Variants in HS6ST2 observed in about 807,000 individuals in gnomAD.
HS6ST2 encodes the protein heparan-sulfate 6-O-sulfotransferase 2.
Under a neutral mutation model 33.0 loss-of-function variants are expected in HS6ST2, and 17 were observed. The observed-to-expected ratio is 0.52, with a 90% CI of 0.35 to 0.77. The LOEUF (loss-of-function observed/expected upper bound fraction) is 0.77, where lower values mean the gene tolerates loss of function less well. Among genes scored for constraint, HS6ST2 ranks in the 30% least tolerant of loss-of-function variants. The probability of loss-of-function intolerance (pLI) is 0.01; values close to 1 mark genes in which losing one functional copy is unlikely to be tolerated. For missense variants in HS6ST2, 519 were observed against 551.7 expected (o/e 0.94, Z 0.59); for synonymous variants, 248 against 237.1 (o/e 1.05, Z -0.42).
chrX:132,686,725 T>C (rs778703304), intron 3 of HS6ST2, among the ~76,000 whole-genome samples: 6 of 111,588 alleles, frequency 5.4e-5, no homozygotes, highest in Admixed American at 1.9e-4. Flanking sequence ...AGAGTCATGA[T>C]GCTTATAAGT....
chrX:132,776,748 T>C (rs867220664), intron 2 of HS6ST2, among the ~76,000 whole-genome samples: 4 of 104,901 alleles, frequency 3.8e-5, no homozygotes, highest in Non-Finnish European at 5.7e-5. Flanking sequence ...GCCAGTCAGT[T>C]AGTCACTAGG....
At chrX:132,649,181 A>G (rs1173023315) in intron 4 of HS6ST2, among the ~76,000 whole-genome samples, 1 of 111,723 alleles carries the variant, frequency 9.0e-6, no homozygotes, top group African/African-American at 3.3e-5. Context: ...GGATGAGTGG[A>G]CTCTGGAAAA....
intron 2 of HS6ST2, among the ~76,000 whole-genome samples, chrX:132,762,510 T>C (rs977021203): frequency 2.7e-5 from 3 of 112,453 alleles, no homozygotes; most frequent in African/African-American, 9.7e-5. Flanking sequence ...TTCTGAAATA[T>C]TTATTTACAA....
At chrX:132,920,466 C>T (rs1164419688) in intron 2 of HS6ST2, among the ~76,000 whole-genome samples, 2 of 111,512 alleles carry the variant, frequency 1.8e-5, no homozygotes, top group Admixed American at 9.5e-5. Context: ...AATGGCAAAA[C>T]ATCTTTTAGG....
chrX:132,868,679 T>C (rs749884026), intron 2 of HS6ST2, among the ~76,000 whole-genome samples: 2 of 112,035 alleles, frequency 1.8e-5, no homozygotes, highest in African/African-American at 6.5e-5. Context: ...CCTGAATGAC[T>C]ACTGAGTAAA....
At position 132,684,300 on chromosome X, in the gene HS6ST2, C is replaced by G. The variant is rs1402805229; in HGVS notation, c.981-15101G>C. 5.9e-5 allele frequency among the ~76,000 whole-genome samples: 6 copies of G among 101,912 alleles called. No homozygotes were observed. In the Admixed American group the frequency reaches 6.6e-4, roughly 11 times the overall value. 88.5% of individuals were successfully genotyped at this position (101,912 alleles called of 115,157 possible). A position where few individuals can be genotyped will look rare whatever the true frequency, so the allele number is the denominator to read the frequency against. ...ATACATATATATATACACGCACACA[C>G]ATATATGTATATATATGTATATACA... On this transcript the variant is annotated intron_variant, in intron 3 of 4. Coordinates refer to ENST00000370833, the MANE Select transcript of HS6ST2 (RefSeq NM_001394073.1).
At chrX:132,753,639 T>C (rs1268390948) in intron 2 of HS6ST2, among the ~76,000 whole-genome samples, 1 of 112,097 alleles carries the variant, frequency 8.9e-6, no homozygotes, top group Non-Finnish European at 1.9e-5. Flanking sequence ...ACCACTTTAC[T>C]TTATAAATTA....
At chrX:132,661,228 C>G (rs1389712181) in intron 4 of HS6ST2, among the ~76,000 whole-genome samples, 1 of 110,157 alleles carries the variant, frequency 9.1e-6, no homozygotes, top group Non-Finnish European at 1.9e-5. Context: ...AAAAAGACAT[C>G]CATATTGAAA....
At chrX:132,752,345 ATCTGTGGT>A (rs2064714057) in intron 2 of HS6ST2, among the ~76,000 whole-genome samples, 1 of 109,734 alleles carries the variant, frequency 9.1e-6, no homozygotes, top group Non-Finnish European at 1.9e-5. Flanking sequence ...GGTGGCGCAC[ATCTGTGGT>A]CACAACTACT....
chrX:132,765,618 A>T (rs1025275403), intron 2 of HS6ST2, among the ~76,000 whole-genome samples: 1 of 110,544 alleles, frequency 9.0e-6, no homozygotes, highest in African/African-American at 3.3e-5. Context: ...CACCATGCCC[A>T]GCTAATGTTT....
intron 2 of HS6ST2, among the ~76,000 whole-genome samples, chrX:132,850,436 C>T: frequency 9.0e-6 from 1 of 111,143 alleles, no homozygotes; most frequent in Non-Finnish European, 1.9e-5. Flanking sequence ...GTGCAATATA[C>T]CAGTACAAAT....
At chrX:132,887,576 T>TA (rs753201172) in intron 2 of HS6ST2, among the ~76,000 whole-genome samples, 2 of 112,427 alleles carry the variant, frequency 1.8e-5, no homozygotes, top group East Asian at 5.6e-4. Context: ...ACTGACACTT[T>TA]AAAACATTCT....
At chrX:132,711,680 A>C (rs2064232201) in intron 2 of HS6ST2, among the ~76,000 whole-genome samples, 1 of 112,015 alleles carries the variant, frequency 8.9e-6, no homozygotes, top group Admixed American at 9.5e-5. Context: ...CGAAGAGTTT[A>C]TGAGTAAATG....
intron 2 of HS6ST2, among the ~76,000 whole-genome samples, chrX:132,837,758 G>A (rs1028292822): frequency 1.8e-5 from 2 of 111,783 alleles, no homozygotes; most frequent in African/African-American, 6.5e-5. Context: ...GGTGCCCAAG[G>A]AGAGTTCAGA....
intron 2 of HS6ST2, among the ~76,000 whole-genome samples, chrX:132,783,774 T>C (rs1186798517): frequency 9.0e-6 from 1 of 110,967 alleles, no homozygotes; most frequent in Non-Finnish European, 1.9e-5. Flanking sequence ...CTGAGGTTTG[T>C]ATTGGGAAAG....
intron 2 of HS6ST2, among the ~76,000 whole-genome samples, chrX:132,798,156 G>T (rs1372023563): frequency 9.1e-6 from 1 of 110,311 alleles, no homozygotes; most frequent in East Asian, 2.9e-4. Flanking sequence ...AGACTGCCTG[G>T]ATACATGCAA....
intron 2 of HS6ST2, among the ~76,000 whole-genome samples, chrX:132,870,386 T>C (rs62599048): frequency 5.4e-5 from 6 of 111,790 alleles, no homozygotes; most frequent in Middle Eastern, 4.7e-3. Context: ...CAAGCTACCA[T>C]TGGCTTTCTT....
intron 2 of HS6ST2, among the ~76,000 whole-genome samples, chrX:132,911,775 C>A (rs749761393): frequency 8.2e-5 from 9 of 109,803 alleles, no homozygotes; most frequent in Non-Finnish European, 1.3e-4. Context: ...GTAGCTGGGA[C>A]TACAGGTGCC....
rs139853793 is a variant in HS6ST2 at position 132,777,215 on chromosome X, G to T, written c.948-68721C>A. Among the ~76,000 whole-genome samples the T allele has an allele frequency of 3.8e-3, 408 of 107,457 alleles. 1 individual carries two copies. Among genetic ancestry groups the T allele is most frequent in the African/African-American group, 0.013 (387 of 29,386 alleles). The allele number at this position is 107,457 out of a possible 115,157, so 93.3% of individuals were successfully genotyped here. ...AATAGAACCAGTGTTGAGAAGGGTTGTCTCTTCAACAGGATTGGAAGCTGT... is the reference window on the plus strand; with the variant it reads ...AATAGAACCAGTGTTGAGAAGGGTTTTCTCTTCAACAGGATTGGAAGCTGT... On this transcript the variant is annotated intron_variant, in intron 2 of 4. Coordinates refer to ENST00000370833, the MANE Select transcript of HS6ST2 (RefSeq NM_001394073.1).
Sources: allele counts gnomAD v4.1 joint callset (sites outside exome capture counted in the v4.1 genomes callset), GRCh38; gene constraint gnomAD v4.1.1; transcripts MANE v1.5; gene names NCBI Gene and HGNC (gene_info 2026-07-23, HGNC 2026-07-21).